Variants in CREB5 observed in about 807,000 individuals in gnomAD.
The protein encoded by CREB5 is cAMP responsive element binding protein 5.
In CREB5, 19 loss-of-function variants were observed where a neutral mutation model predicts 57.1. That is an observed-to-expected ratio of 0.33 (90% confidence interval 0.23 to 0.49). The LOEUF (loss-of-function observed/expected upper bound fraction) is 0.49. CREB5 is among the 20% of genes least tolerant of loss of function. CREB5 has a pLI of 0.99. For synonymous variants in CREB5, 238 were observed against 238.3 expected, an observed-to-expected ratio of 1.00 and a Z score of 0.01; for missense variants, 579 against 671.6, an observed-to-expected ratio of 0.86 and a Z score of 1.52.
intron 5 of CREB5, among the ~76,000 whole-genome samples, chr7:28,572,371 G>C (rs897953129): frequency 3.3e-5 from 5 of 152,302 alleles, no homozygotes; most frequent in Non-Finnish European, 4.4e-5. Flanking sequence ...AAATGTTGCT[G>C]CTATCTAAAT....
At chr7:28,545,376 T>C (rs988874954) in intron 4 of CREB5, among the ~76,000 whole-genome samples, 9 of 152,362 alleles carry the variant, frequency 5.9e-5, no homozygotes, top group African/African-American at 1.9e-4. Flanking sequence ...GTTACTTCAT[T>C]GATTGCCTAC....
At position 28,824,717 on chromosome 7, in the gene CREB5, A is replaced by C. The variant is rs566160919; in HGVS notation, c.*5438A>C. On this transcript the variant is annotated 3_prime_UTR_variant, in exon 11 of 11. Transcript: ENST00000357727. ...TTCAGTGATGTAATGCTTGTAGCCA[A>C]ATTGCTTAAAGAGTGTTTATATATT... 1.3e-5 allele frequency: 2 copies of C among 152,728 alleles called. No individual in the cohort carries two copies. The highest frequency in any genetic ancestry group is 3.9e-4 in the East Asian group (2 of 5,184). 9.5% of individuals were successfully genotyped at this position (152,728 alleles called of 1,614,324 possible). A position where few individuals can be genotyped will look rare whatever the true frequency, so the allele number is the denominator to read the frequency against.
At chr7:28,445,568 T>C (rs1478804094) in intron 1 of CREB5, among the ~76,000 whole-genome samples, 2 of 151,972 alleles carry the variant, frequency 1.3e-5, no homozygotes, top group Non-Finnish European at 2.9e-5. Flanking sequence ...TTTTTTTTAT[T>C]TGAGACGGAA....
intron 1 of CREB5, among the ~76,000 whole-genome samples, chr7:28,354,939 T>C (rs1786310164): frequency 6.6e-6 from 1 of 152,202 alleles, no homozygotes; most frequent in Non-Finnish European, 1.5e-5. Flanking sequence ...GGAAAGAGCC[T>C]GGGTTTCAGA....
At chr7:28,782,024 A>G (rs1300088453) in intron 7 of CREB5, among the ~76,000 whole-genome samples, 1 of 150,858 alleles carries the variant, frequency 6.6e-6, no homozygotes, top group Non-Finnish European at 1.5e-5. Context: ...TCAGCTTCCC[A>G]TGTAGCTGGG....
At chr7:28,387,791 C>T (rs1414745413) in intron 1 of CREB5, among the ~76,000 whole-genome samples, 1 of 151,704 alleles carries the variant, frequency 6.6e-6, no homozygotes, top group African/African-American at 2.4e-5. Flanking sequence ...GCACATGGAC[C>T]CCTGAACTTA....
intron 1 of CREB5, among the ~76,000 whole-genome samples, chr7:28,446,609 G>A (rs1413759218): frequency 5.9e-5 from 9 of 152,080 alleles, no homozygotes; most frequent in Non-Finnish European, 1.0e-4. Context: ...TAGCTAACAC[G>A]GTGAAATCCC....
intron 7 of CREB5, among the ~76,000 whole-genome samples, chr7:28,798,743 A>G (rs1321582415): frequency 6.6e-6 from 1 of 152,216 alleles, no homozygotes. Context: ...TGAACATGGT[A>G]GAAGATGACA....
intron 1 of CREB5, among the ~76,000 whole-genome samples, chr7:28,321,039 CT>C (rs1222553254): frequency 6.6e-6 from 1 of 152,206 alleles, no homozygotes; most frequent in Non-Finnish European, 1.5e-5. Context: ...CCTGACCTCT[CT>C]GGGCCTTGCT....
chr7:28,782,942 C>A (rs180708642), intron 7 of CREB5, among the ~76,000 whole-genome samples: 6 of 152,122 alleles, frequency 3.9e-5, no homozygotes, highest in Admixed American at 3.9e-4. Flanking sequence ...CATTCTCAAA[C>A]GTGGTGCTGT....
At chr7:28,310,658 G>A (rs566190121) in intron 1 of CREB5, among the ~76,000 whole-genome samples, 5 of 152,262 alleles carry the variant, frequency 3.3e-5, no homozygotes, top group East Asian at 1.9e-4. Flanking sequence ...AAACATATAC[G>A]AAAGTATGTT....
intron 1 of CREB5, among the ~76,000 whole-genome samples, chr7:28,437,515 AT>A (rs1276384809): frequency 6.6e-6 from 1 of 152,142 alleles, no homozygotes; most frequent in Admixed American, 6.5e-5. Flanking sequence ...TTCTACCAGT[AT>A]TAGATGCTTG....
intron 1 of CREB5, among the ~76,000 whole-genome samples, chr7:28,414,678 G>T (rs1380511349): frequency 6.6e-6 from 1 of 152,080 alleles, no homozygotes; most frequent in East Asian, 1.9e-4. Flanking sequence ...TTTCACTAAA[G>T]AATTATTACA....
chr7:28,299,801 T>C (rs1785068685), intron 1 of CREB5, among the ~76,000 whole-genome samples: 1 of 152,238 alleles, frequency 6.6e-6, no homozygotes. Flanking sequence ...AATGCTGCAA[T>C]GTTGTGTTAC....
chr7:28,530,486 GCT>G (rs1793676621), intron 4 of CREB5, among the ~76,000 whole-genome samples: 1 of 152,112 alleles, frequency 6.6e-6, no homozygotes, highest in East Asian at 1.9e-4. Context: ...TGACTGAAAA[GCT>G]GAAAAAACAT....
chr7:28,336,574 G>A (rs1785826001), intron 1 of CREB5, among the ~76,000 whole-genome samples: 1 of 150,978 alleles, frequency 6.6e-6, no homozygotes, highest in Admixed American at 6.6e-5. Context: ...TGTTTATTTG[G>A]GTCTTCTTTC....
intron 4 of CREB5, among the ~76,000 whole-genome samples, chr7:28,559,405 C>T (rs1794992369): frequency 6.6e-6 from 1 of 152,160 alleles, no homozygotes; most frequent in South Asian, 2.1e-4. Context: ...ACCTCTGCCT[C>T]CCAGGTTTAA....
At chr7:28,480,324 C>T (rs1791270568) in intron 1 of CREB5, among the ~76,000 whole-genome samples, 2 of 152,106 alleles carry the variant, frequency 1.3e-5, no homozygotes, top group South Asian at 4.2e-4. Flanking sequence ...AAGCTGCTTT[C>T]CACCAGTATG....
At chr7:28,485,086 G>A (rs1791497576) in intron 1 of CREB5, among the ~76,000 whole-genome samples, 1 of 152,198 alleles carries the variant, frequency 6.6e-6, no homozygotes, top group Admixed American at 6.5e-5. Flanking sequence ...CAGTACTTTG[G>A]TAGGCCAGGG....
Sources: allele counts gnomAD v4.1 joint callset (sites outside exome capture counted in the v4.1 genomes callset), GRCh38; gene constraint gnomAD v4.1.1; transcripts MANE v1.5; gene names NCBI Gene and HGNC (gene_info 2026-07-23, HGNC 2026-07-21).